Variants in GRID2 observed in about 807,000 individuals in gnomAD.
The protein encoded by GRID2 is glutamate ionotropic receptor delta type subunit 2.
In GRID2, 33 loss-of-function variants were observed where a neutral mutation model predicts 114.8. The ratio of observed to expected loss-of-function variants is 0.29; its 90% CI spans 0.22 to 0.38. GRID2 has a LOEUF of 0.38. Ranked by LOEUF, GRID2 falls within the 10% of genes least tolerant of loss-of-function variation. The pLI is 1.00. For missense variants in GRID2, 1,184 were observed against 1,257.7 expected, an observed-to-expected ratio of 0.94 and a Z score of 0.89; for synonymous variants, 505 against 449.9, an observed-to-expected ratio of 1.12 and a Z score of -1.55.
At chr4:92,611,096 GTGTGTGTATATGTGTGTGTA>G (rs1560488079) in intron 2 of GRID2, among the ~76,000 whole-genome samples, 6 of 144,382 alleles carry the variant, frequency 4.2e-5, no homozygotes, top group Admixed American at 1.4e-4. Context: ...ATATATATGT[GTGTGTGTATATGTGTGTGTA>G]TGTGTGTGTG....
At position 92,438,586 on chromosome 4, in the gene GRID2, G is replaced by C. The variant is rs1051525436; in HGVS notation, c.88+133842G>C. Among the ~76,000 whole-genome samples, 3 of 151,526 alleles carry C rather than the reference G, an allele frequency of 2.0e-5. No individual in the cohort carries two copies. The East Asian group carries it at 5.8e-4, about 29-fold the overall frequency. ...ATTTGGCAGTTTACCTTCTGTGTGT[G>C]TGTGTGTGTGTGTGTGTGTGTGTTT... On this transcript the variant is annotated intron_variant, in intron 1 of 15. Coordinates refer to ENST00000282020, the MANE Select transcript of GRID2 (RefSeq NM_001510.4).
At chr4:92,413,562 C>T (rs1731441855) in intron 1 of GRID2, among the ~76,000 whole-genome samples, 2 of 152,086 alleles carry the variant, frequency 1.3e-5, no homozygotes, top group Admixed American at 6.6e-5. Flanking sequence ...AAGTGATAAA[C>T]TTGCAGCAAT....
At chr4:93,107,832 C>T (rs1467986435) in intron 3 of GRID2, among the ~76,000 whole-genome samples, 4 of 152,142 alleles carry the variant, frequency 2.6e-5, no homozygotes, top group African/African-American at 4.8e-5. Context: ...CACTTCCAGA[C>T]TTAAACTGCT....
chr4:93,153,442 A>G (rs1736901519), intron 4 of GRID2, among the ~76,000 whole-genome samples: 1 of 152,068 alleles, frequency 6.6e-6, no homozygotes, highest in African/African-American at 2.4e-5. Context: ...ACTTGCAATC[A>G]GAGAAGTGGC....
intron 2 of GRID2, among the ~76,000 whole-genome samples, chr4:92,990,304 T>TAC (rs1754803619): frequency 8.2e-6 from 1 of 122,502 alleles, no homozygotes; most frequent in African/African-American, 3.7e-5. Flanking sequence ...TATATATATA[T>TAC]ATGTGTGTGT....
intron 1 of GRID2, among the ~76,000 whole-genome samples, chr4:92,412,594 G>T (rs1029965298): frequency 2.0e-5 from 3 of 151,674 alleles, no homozygotes; most frequent in Non-Finnish European, 4.4e-5. Context: ...TATGAGTTTA[G>T]CACATCTCAT....
At chr4:93,334,256 G>A (rs114687046) in intron 8 of GRID2, among the ~76,000 whole-genome samples, 649 of 152,204 alleles carry the variant, frequency 4.3e-3, no homozygotes, top group Non-Finnish European at 7.7e-3. Flanking sequence ...AGTTCCCACA[G>A]CATGCAAATT....
At chr4:92,575,963 G>A (rs912589636) in intron 1 of GRID2, among the ~76,000 whole-genome samples, 3 of 152,180 alleles carry the variant, frequency 2.0e-5, no homozygotes. Context: ...TAAAGAAGCA[G>A]TCTGGATATG....
rs549774777 is a variant in GRID2 at position 92,583,623 on chromosome 4, A to G, written c.89-6508A>G. Among the ~76,000 whole-genome samples, 104 of 151,164 alleles carry G rather than the reference A, an allele frequency of 6.9e-4. 1 individual carries two copies. In the Middle Eastern group the frequency reaches 0.024, roughly 36 times the overall value. ...AGAATTAAATTGTGAATGATATATC[A>G]ACTTAATTAATATTTCCTGAGCAGA... On this transcript the variant is annotated intron_variant, in intron 1 of 15. Coordinates refer to ENST00000282020, the MANE Select transcript of GRID2 (RefSeq NM_001510.4).
chr4:93,723,926 T>A (rs868518123), intron 14 of GRID2, among the ~76,000 whole-genome samples: 7 of 152,194 alleles, frequency 4.6e-5, no homozygotes, highest in African/African-American at 1.7e-4. Flanking sequence ...ATTTGATTTG[T>A]TTCTTTAAAG....
intron 2 of GRID2, among the ~76,000 whole-genome samples, chr4:92,800,952 G>A (rs764130092): frequency 2.0e-5 from 3 of 152,002 alleles, no homozygotes; most frequent in East Asian, 3.9e-4. Flanking sequence ...TTAAGCCTCC[G>A]TTTTTTCATC....
At chr4:93,255,162 T>A (rs866610282) in intron 8 of GRID2, among the ~76,000 whole-genome samples, 24 of 152,118 alleles carry the variant, frequency 1.6e-4, no homozygotes, top group African/African-American at 5.3e-4. Flanking sequence ...TACATACTAA[T>A]GTTTTTCCAA....
intron 1 of GRID2, among the ~76,000 whole-genome samples, chr4:92,372,976 T>C (rs1729187551): frequency 6.6e-6 from 1 of 152,164 alleles, no homozygotes; most frequent in Non-Finnish European, 1.5e-5. Flanking sequence ...CTCATCTTTA[T>C]TCAAACAAGT....
At chr4:92,386,643 ACT>A (rs150172017) in intron 1 of GRID2, among the ~76,000 whole-genome samples, 3,353 of 151,878 alleles carry the variant, frequency 0.022, 131 homozygotes, top group African/African-American at 0.077. Flanking sequence ...AGAAATTAAA[ACT>A]CTCATTTAGC....
chr4:93,663,657 C>A, intron 14 of GRID2, among the ~76,000 whole-genome samples: 1 of 152,100 alleles, frequency 6.6e-6, no homozygotes, highest in Admixed American at 6.6e-5. Flanking sequence ...TTTACGTAAA[C>A]CTCAGTCTAT....
intron 2 of GRID2, among the ~76,000 whole-genome samples, chr4:92,889,725 C>G (rs2149467697): frequency 6.6e-6 from 1 of 152,262 alleles, no homozygotes; most frequent in South Asian, 2.1e-4. Context: ...CTATTCCCAT[C>G]AAGCTACCAC....
intron 10 of GRID2, among the ~76,000 whole-genome samples, chr4:93,424,101 T>G (rs924317741): frequency 1.3e-5 from 2 of 151,986 alleles, no homozygotes; most frequent in Admixed American, 1.3e-4. Context: ...AGCAATATAA[T>G]TTTATTTGTA....
chr4:92,989,300 A>AAAAAAAT (rs1553962743), intron 2 of GRID2, among the ~76,000 whole-genome samples: 5 of 92,246 alleles, frequency 5.4e-5, no homozygotes, highest in African/African-American at 1.3e-4. Context: ...AAAAAAAAAA[A>AAAAAAAT]AATAATAATA....
intron 1 of GRID2, among the ~76,000 whole-genome samples, chr4:92,450,281 C>T (rs1260515899): frequency 2.6e-5 from 4 of 151,886 alleles, no homozygotes; most frequent in Admixed American, 1.3e-4. Flanking sequence ...AGATGAATTT[C>T]CTGAAGTAGA....
Sources: gnomAD v4.1 joint callset for allele counts (sites outside exome capture counted in the v4.1 genomes callset) on GRCh38, gnomAD v4.1.1 for gene constraint, MANE v1.5 for transcripts, NCBI Gene and HGNC (gene_info 2026-07-23, HGNC 2026-07-21) for gene names.